KCNQ1: variants seen among roughly 807,000 people sequenced by gnomAD.
KCNQ1 encodes potassium voltage-gated channel subfamily KQT member 1.
In KCNQ1, 49 loss-of-function variants were observed where a neutral mutation model predicts 72.4. That is an observed-to-expected ratio of 0.68 (90% CI 0.54 to 0.86). KCNQ1 has a LOEUF of 0.86. KCNQ1 is among the 40% of genes least tolerant of loss of function. The pLI is 0.00. For missense variants in KCNQ1, 790 were observed against 945.1 expected, an observed-to-expected ratio of 0.84 and a Z score of 2.15; for synonymous variants, 450 against 412.6, an observed-to-expected ratio of 1.09 and a Z score of -1.10.
At chr11:2,758,040 C>G (rs1042740250) in intron 11 of KCNQ1, among the ~76,000 whole-genome samples, 5 of 152,176 alleles carry the variant, frequency 3.3e-5, no homozygotes, top group Admixed American at 1.3e-4. Flanking sequence ...AAAGCATGAT[C>G]TGTTTAAGGA....
Position 2,671,016 on chromosome 11 carries a change from C to T in KCNQ1, c.1514+8935C>T. 2 of 398,570 alleles carry T rather than the reference C, an allele frequency of 5.0e-6. No individual in the cohort carries two copies. 24.7% of individuals were successfully genotyped at this position (398,570 alleles called of 1,614,324 possible). On this transcript the variant is annotated intron_variant, in intron 11 of 15. Transcript: ENST00000155840. The surrounding 1 kb of genome is among the most constrained non-coding windows in gnomAD (Gnocchi z 4.7). ...TTAGATATGTGGGCCCTGTTAGGGA[C>T]AACGTAGGTGTCCTGGGCAGGGGCT...
In KCNQ1 at chr11:2,626,925, G is replaced by A; in HGVS notation, c.1394-35036G>A. The A allele has an allele frequency of 5.0e-6, 2 of 398,558 alleles. No individual in the cohort carries two copies. The allele number at this position is 398,558 out of a possible 1,614,324, so 24.7% of individuals were successfully genotyped here. A position where few individuals can be genotyped will look rare whatever the true frequency, so the allele number is the denominator to read the frequency against. ...TTCAAGGTCCCTTGAGATTCCATGT[G>A]AATTTTAGGATGGGGTTTCTTCTTT... On this transcript the variant is annotated intron_variant, in intron 10 of 15. Transcript: ENST00000155840. This position sits in a 1 kb window ranked among gnomAD's most constrained non-coding sequence, Gnocchi z 4.0.
At chr11:2,640,837 C>A in intron 10 of KCNQ1, 1 of 399,184 alleles carries the variant, frequency 2.5e-6, no homozygotes, top group Non-Finnish European at 4.4e-6. Context: ...TCCAGACATA[C>A]CTTTCACAGC....
Position 2,508,068 on chromosome 11 carries a change from C to T in KCNQ1, c.387-19860C>T, listed in dbSNP as rs938442460. 2.6e-5 allele frequency among the ~76,000 whole-genome samples: 4 copies of T among 152,098 alleles called. No homozygotes were observed. Among genetic ancestry groups the T allele is most frequent in the Non-Finnish European group, 1.5e-5 (1 of 68,006 alleles). ...TGCCCTGAAACCTCTCAGACACAAACACCCAGCTCGGCCCCACAGAGCTGG... is the reference window on the plus strand; with the variant it reads ...TGCCCTGAAACCTCTCAGACACAAATACCCAGCTCGGCCCCACAGAGCTGG... On this transcript the variant is annotated intron_variant, in intron 1 of 15. Transcript: ENST00000155840. The surrounding 1 kb of genome is among the most constrained non-coding windows in gnomAD (Gnocchi z 6.2).
rs1847758137 is a variant in KCNQ1, at chr11:2,537,792, C to A, written c.477+9774C>A. Among the ~76,000 whole-genome samples, 1 of 152,118 alleles carries A rather than the reference C, an allele frequency of 6.6e-6. No homozygotes were observed. The highest frequency in any genetic ancestry group is 2.1e-4 in the South Asian group (1 of 4,830). ...GGAGAGTAGTGGCATACTCACGGCT[C>A]ACTGCAGCCTCGGCCTCCTGGCCTC... On this transcript the variant is annotated intron_variant, in intron 2 of 15. Transcript: ENST00000155840. The surrounding 1 kb of genome is among the most constrained non-coding windows in gnomAD (Gnocchi z 5.2).
In KCNQ1 at chr11:2,507,522, TG is replaced by T. The variant is rs1258523483; in HGVS notation, c.387-20405del. On this transcript the variant is annotated intron_variant, in intron 1 of 15. Transcript: ENST00000155840. The surrounding 1 kb of genome is among the most constrained non-coding windows in gnomAD (Gnocchi z 5.4). ...GTGCAGCGGGAGGAAGAGAAAAGGA[TG>T]CTGCTGGGACCCCTCGCACCTGGGA... Among the ~76,000 whole-genome samples the T allele has an allele frequency of 1.3e-5, 2 of 152,124 alleles. No homozygotes were observed. The highest frequency in any genetic ancestry group is 2.9e-5 in the Non-Finnish European group (2 of 68,012).
Position 2,652,272 on chromosome 11 carries a change from G to A in KCNQ1, c.1394-9689G>A. The stretch of plus-strand genomic sequence containing the variant: ...CCCATTAAACATTCTGAGAACATCT[G>A]CACCGGTTTCCAAGGCTTCTCCCTC... On this transcript the variant is annotated intron_variant, in intron 10 of 15. Transcript: ENST00000155840. This position sits in a 1 kb window ranked among gnomAD's most constrained non-coding sequence, Gnocchi z 5.9. 2.5e-6 allele frequency: 1 copy of A among 398,640 alleles called. No homozygotes were observed. The highest frequency in any genetic ancestry group is 4.4e-6 in the Non-Finnish European group (1 of 226,074). The allele number at this position is 398,640 out of a possible 1,614,324, so 24.7% of individuals were successfully genotyped here. A position where few individuals can be genotyped will look rare whatever the true frequency, so the allele number is the denominator to read the frequency against.
In KCNQ1 at chr11:2,564,981, G is replaced by A. The variant is rs959297019; in HGVS notation, c.478-5647G>A. 2.0e-5 allele frequency among the ~76,000 whole-genome samples: 3 copies of A among 152,134 alleles called. No homozygotes were observed. Among genetic ancestry groups the A allele is most frequent in the Admixed American group, 6.5e-5 (1 of 15,276 alleles). ...AGGGACCACATCTTCCGTCTCCGTC[G>A]GTGCACTGAGGGACACTGGGCTGGT... On this transcript the variant is annotated intron_variant, in intron 2 of 15. Transcript: ENST00000155840. The surrounding 1 kb of genome is among the most constrained non-coding windows in gnomAD (Gnocchi z 4.5).
At chr11:2,456,864 A>T (rs1166363848) in intron 1 of KCNQ1, among the ~76,000 whole-genome samples, 2 of 146,930 alleles carry the variant, frequency 1.4e-5, no homozygotes, top group Non-Finnish European at 3.0e-5. Context: ...GCGTGAACCC[A>T]GGAGACGGAG....
In KCNQ1 at chr11:2,464,496, C is replaced by T. The variant is rs573656834; in HGVS notation, c.386+19012C>T. ...ACCTAGGAGAGTGCCGGGGTGGGGG[C>T]AGGTGCACTGTGGTCCTGGGTCCAC... On this transcript the variant is annotated intron_variant, in intron 1 of 15. Coordinates refer to ENST00000155840, the MANE Select transcript of KCNQ1 (RefSeq NM_000218.3). This position sits in a 1 kb window ranked among gnomAD's most constrained non-coding sequence, Gnocchi z 5.0. 6.6e-6 allele frequency among the ~76,000 whole-genome samples: 1 copy of T among 152,160 alleles called. No individual in the cohort carries two copies. The highest frequency in any genetic ancestry group is 2.4e-5 in the African/African-American group (1 of 41,506).
intron 2 of KCNQ1, among the ~76,000 whole-genome samples, chr11:2,539,644 G>A (rs970835640): frequency 2.0e-5 from 3 of 152,228 alleles, no homozygotes; most frequent in Admixed American, 1.3e-4. Context: ...CGGCTTTCCA[G>A]CTCTCCCAGG....
rs112502437 is a variant in KCNQ1, at chr11:2,598,543, T to C, written c.1393+9689T>C. Among the ~76,000 whole-genome samples, 1,756 of 151,634 alleles carry C rather than the reference T, an allele frequency of 0.012. 21 individuals are homozygous for C. The highest frequency in any genetic ancestry group is 0.048 in the Middle Eastern group (14 of 294). The stretch of plus-strand genomic sequence containing the variant: ...TTTGTATACATGGACAGACAAAATG[T>C]ACATTGAGATGGATTGTGTATACAT... On this transcript the variant is annotated intron_variant, in intron 10 of 15. Coordinates refer to ENST00000155840, the MANE Select transcript of KCNQ1 (RefSeq NM_000218.3). The surrounding 1 kb of genome is among the most constrained non-coding windows in gnomAD (Gnocchi z 6.2).
chr11:2,753,250 G>A (rs890517282), intron 11 of KCNQ1, among the ~76,000 whole-genome samples: 9 of 152,156 alleles, frequency 5.9e-5, no homozygotes, highest in Admixed American at 1.3e-4. Flanking sequence ...TCTGTCCCTC[G>A]GAAAGCCCCT....
In KCNQ1 at chr11:2,456,864, A is replaced by G. The variant is rs1166363848; in HGVS notation, c.386+11380A>G. On this transcript the variant is annotated intron_variant, in intron 1 of 15. Coordinates refer to ENST00000155840, the MANE Select transcript of KCNQ1 (RefSeq NM_000218.3). ...TGAGGCAGGAGAATGGCGTGAACCC[A>G]GGAGACGGAGCTTGCAGTAAGCCGA... Among the ~76,000 whole-genome samples, 72 of 147,024 alleles carry G rather than the reference A, an allele frequency of 4.9e-4. 1 individual carries two copies. Among genetic ancestry groups the G allele is most frequent in the South Asian group, 8.9e-4 (4 of 4,492 alleles).
At chr11:2,753,164 G>A (rs1027770684) in intron 11 of KCNQ1, among the ~76,000 whole-genome samples, 2 of 152,192 alleles carry the variant, frequency 1.3e-5, no homozygotes, top group African/African-American at 2.4e-5. Context: ...CAGGCCACCC[G>A]GCCAGTGTGG....
At chr11:2,680,634 C>T in intron 11 of KCNQ1, 1 of 398,526 alleles carries the variant, frequency 2.5e-6, no homozygotes, top group African/African-American at 2.1e-5. Context: ...ATATTCTGAC[C>T]AGGATATTGC....
rs891629609 is a variant in KCNQ1, at chr11:2,488,654, A to T, written c.387-39274A>T. 1.3e-5 allele frequency among the ~76,000 whole-genome samples: 2 copies of T among 152,044 alleles called. No homozygotes were observed. The highest frequency in any genetic ancestry group is 2.9e-5 in the Non-Finnish European group (2 of 68,010). On this transcript the variant is annotated intron_variant, in intron 1 of 15. Transcript: ENST00000155840. This position sits in a 1 kb window ranked among gnomAD's most constrained non-coding sequence, Gnocchi z 5.1. ...TTGTTGATACACAATTGTTCACAATACTCTCTTATAATCCTTTTTATTTCT... is the reference window on the plus strand; with the variant it reads ...TTGTTGATACACAATTGTTCACAATTCTCTCTTATAATCCTTTTTATTTCT...
chr11:2,618,866 T>C (rs1849116341), intron 10 of KCNQ1: 1 of 398,218 alleles, frequency 2.5e-6, no homozygotes, highest in African/African-American at 2.1e-5. Flanking sequence ...CATCAATGAT[T>C]CATAGTTTTC....
intron 1 of KCNQ1, among the ~76,000 whole-genome samples, chr11:2,505,005 T>C (rs1031146940): frequency 2.6e-5 from 4 of 152,172 alleles, no homozygotes; most frequent in African/African-American, 9.7e-5. Context: ...TTTTGGTACA[T>C]TGTCTTCTCA....
Sources: gnomAD v4.1 joint callset for allele counts (sites outside exome capture counted in the v4.1 genomes callset) on GRCh38, gnomAD v4.1.1 for gene constraint, Gnocchi (gnomAD v3.1) non-coding constraint, MANE v1.5 for transcripts, NCBI Gene and HGNC (gene_info 2026-07-23, HGNC 2026-07-21) for gene names.